ANO2: variants seen among roughly 807,000 people sequenced by gnomAD.
ANO2 encodes anoctamin 2, also known as anoctamin-2.
ANO2 carries 101 observed loss-of-function variants against 124.2 expected under a neutral mutation model. The observed-to-expected ratio is 0.81, with a 90% CI of 0.69 to 0.96. The LOEUF (loss-of-function observed/expected upper bound fraction) is 0.96. Among genes scored for constraint, ANO2 ranks in the 40% least tolerant of loss-of-function variants. ANO2 has a pLI of 0.00. For synonymous variants in ANO2, 486 were observed against 482.5 expected (o/e 1.01, Z -0.09); for missense variants, 1,293 against 1,274.5 (o/e 1.01, Z -0.22).
rs530990017 is a variant in ANO2 at position 5,817,488 on chromosome 12, C to T, written c.893-10120G>A. ...CTCACTGCCTTAGGAGTCTAAGCCA[C>T]GGGTGTAGAAAACAAGCAAGAAAGA... On this transcript the variant is annotated intron_variant, in intron 7 of 24. Transcript: ENST00000682330. Among the ~76,000 whole-genome samples, 14 of 152,138 alleles carry T rather than the reference C, an allele frequency of 9.2e-5. No individual in the cohort carries two copies. In the South Asian group the frequency reaches 2.7e-3, roughly 29 times the overall value.
intron 3 of ANO2, among the ~76,000 whole-genome samples, chr12:5,866,237 A>G (rs964276330): frequency 2.0e-5 from 3 of 152,248 alleles, no homozygotes; most frequent in African/African-American, 7.2e-5. Flanking sequence ...AACAGTGGCC[A>G]TCGATTCACT....
intron 7 of ANO2, among the ~76,000 whole-genome samples, chr12:5,812,943 A>C (rs973841306): frequency 2.1e-5 from 3 of 144,498 alleles, no homozygotes; most frequent in African/African-American, 5.1e-5. Context: ...AGAGGAAGGA[A>C]GGAAGGAAAG....
intron 23 of ANO2, among the ~76,000 whole-genome samples, chr12:5,567,846 T>C (rs945000954): frequency 6.6e-6 from 1 of 152,206 alleles, no homozygotes; most frequent in Non-Finnish European, 1.5e-5. Context: ...TTCAGAAAAC[T>C]CTACTTGAAA....
intron 16 of ANO2, among the ~76,000 whole-genome samples, chr12:5,615,768 A>G (rs1216471068): frequency 6.6e-6 from 1 of 152,152 alleles, no homozygotes; most frequent in African/African-American, 2.4e-5. Flanking sequence ...TCTCTCCTTC[A>G]TTTTTAGCAG....
intron 14 of ANO2, among the ~76,000 whole-genome samples, chr12:5,652,792 A>T (rs1946973746): frequency 6.6e-6 from 1 of 152,100 alleles, no homozygotes; most frequent in Admixed American, 6.5e-5. Context: ...ATGACTGATC[A>T]CTGATGATGT....
chr12:5,755,454 G>T (rs1036282567), intron 10 of ANO2, among the ~76,000 whole-genome samples: 1 of 150,324 alleles, frequency 6.7e-6, no homozygotes, highest in African/African-American at 2.5e-5. Flanking sequence ...TGTGCACAAC[G>T]TGCAGGTTTG....
chr12:5,609,928 GAAAT>G (rs1944403582), intron 19 of ANO2, among the ~76,000 whole-genome samples: 1 of 142,566 alleles, frequency 7.0e-6, no homozygotes, highest in Non-Finnish European at 1.5e-5. Flanking sequence ...ATATCTATAT[GAAAT>G]ATAGATATAT....
At chr12:5,812,107 C>T (rs370990069) in intron 7 of ANO2, among the ~76,000 whole-genome samples, 7 of 107,810 alleles carry the variant, frequency 6.5e-5, no homozygotes, top group East Asian at 2.6e-4. Context: ...GGAGGGGAGG[C>T]GAGGCCAGGG....
chr12:5,915,036 C>G (rs2136296232), intron 3 of ANO2, among the ~76,000 whole-genome samples: 1 of 152,308 alleles, frequency 6.6e-6, no homozygotes, highest in African/African-American at 2.4e-5. Flanking sequence ...GCCAGGACTA[C>G]AGGAAACTCT....
chr12:5,613,774 T>C (rs557791540), intron 17 of ANO2, among the ~76,000 whole-genome samples: 1 of 152,368 alleles, frequency 6.6e-6, no homozygotes, highest in Non-Finnish European at 1.5e-5. Flanking sequence ...GATGATAGTG[T>C]GCTGTTGCTA....
intron 3 of ANO2, among the ~76,000 whole-genome samples, chr12:5,894,002 C>G (rs527349018): frequency 2.2e-4 from 34 of 152,216 alleles, no homozygotes; most frequent in African/African-American, 7.9e-4. Context: ...TGAGTATATA[C>G]CCAGTAATAG....
chr12:5,737,616 G>T (rs1950926908), intron 13 of ANO2, among the ~76,000 whole-genome samples: 1 of 151,994 alleles, frequency 6.6e-6, no homozygotes, highest in African/African-American at 2.4e-5. Flanking sequence ...CTCTTTTTTG[G>T]AAACATTCTA....
chr12:5,876,867 A>G (rs1332050374), intron 3 of ANO2, among the ~76,000 whole-genome samples: 1 of 152,190 alleles, frequency 6.6e-6, no homozygotes, highest in Non-Finnish European at 1.5e-5. Context: ...TAGGAGAAAT[A>G]CCTAATGTAG....
intron 23 of ANO2, among the ~76,000 whole-genome samples, chr12:5,567,196 G>A (rs534693707): frequency 8.5e-5 from 13 of 152,268 alleles, no homozygotes; most frequent in African/African-American, 1.7e-4. Context: ...CACAGCTGCC[G>A]CAAGCTTGGT....
chr12:5,565,809 A>C, intron 23 of ANO2, 146 bp from the exon 24 acceptor site: 1 of 638,242 alleles, frequency 1.6e-6, no homozygotes, highest in Non-Finnish European at 2.7e-6. Flanking sequence ...AGTGGGGGGA[A>C]TCTATGGCCT....
intron 15 of ANO2, among the ~76,000 whole-genome samples, chr12:5,640,882 C>A (rs573531708): frequency 1.4e-4 from 22 of 152,192 alleles, no homozygotes; most frequent in African/African-American, 5.3e-4. Context: ...GGGTACATAC[C>A]CAAAGGATTA....
At chr12:5,851,574 A>G (rs1954907694) in intron 4 of ANO2, among the ~76,000 whole-genome samples, 1 of 152,048 alleles carries the variant, frequency 6.6e-6, no homozygotes, top group Non-Finnish European at 1.5e-5. Flanking sequence ...AATCCCAGCT[A>G]ATCGGGAAGT....
At chr12:5,830,068 C>T (rs930245116) in intron 6 of ANO2, among the ~76,000 whole-genome samples, 16 of 152,150 alleles carry the variant, frequency 1.1e-4, no homozygotes, top group Non-Finnish European at 2.2e-4. Flanking sequence ...CTGACGCTAA[C>T]GATCTATATA....
upstream of ANO2, chr12:5,946,196 G>A (rs1246395300): frequency 1.9e-6 from 3 of 1,613,168 alleles, no homozygotes; most frequent in African/African-American, 4.0e-5. This position sits in a 1 kb window ranked among gnomAD's most constrained non-coding sequence, Gnocchi z 4.1. Context: ...AGGTAGGCTG[G>A]TCATGATAGA....
Sources: allele counts gnomAD v4.1 joint callset (sites outside exome capture counted in the v4.1 genomes callset), GRCh38; gene constraint gnomAD v4.1.1; non-coding constraint Gnocchi (gnomAD v3.1); transcripts MANE v1.5; gene names NCBI Gene and HGNC (gene_info 2026-07-23, HGNC 2026-07-21).